XKR9: variants seen among roughly 807,000 people sequenced by gnomAD.
XKR9 encodes XK-related protein 9.
In XKR9, 32 loss-of-function variants were observed where a neutral mutation model predicts 32.0. The observed-to-expected ratio is 1.00, with a 90% CI of 0.76 to 1.34. XKR9 has a LOEUF of 1.34. Ranked by LOEUF, XKR9 falls within the 40% of genes most tolerant of loss-of-function variation. The probability of loss-of-function intolerance (pLI) is 0.00; values close to 1 mark genes in which losing one functional copy is unlikely to be tolerated. For missense variants in XKR9, 546 were observed against 429.7 expected, an observed-to-expected ratio of 1.27 and a Z score of -2.39; for synonymous variants, 168 against 143.4, an observed-to-expected ratio of 1.17 and a Z score of -1.22.
the XKR9 span, among the ~76,000 whole-genome samples, chr8:70,945,691 G>A: frequency 6.6e-6 from 1 of 152,112 alleles, no homozygotes; most frequent in Non-Finnish European, 1.5e-5. Context: ...GTTAGAAGAT[G>A]TCTGTGTAAA....
chr8:70,957,189 A>C, the XKR9 span, among the ~76,000 whole-genome samples: 1 of 152,150 alleles, frequency 6.6e-6, no homozygotes. Context: ...TTTTTTTAGG[A>C]ATCTTGAGGA....
chr8:70,804,284 A>G, the XKR9 span, among the ~76,000 whole-genome samples: 1 of 152,210 alleles, frequency 6.6e-6, no homozygotes, highest in Non-Finnish European at 1.5e-5. Context: ...GGATAACAGG[A>G]GGCTACGCCC....
chr8:70,790,145 T>G (rs1234649427), exon 4 of XKR9: 6 of 151,878 alleles, frequency 4.0e-5, no homozygotes, highest in Non-Finnish European at 7.4e-5. Flanking sequence ...CGGCTGTTTC[T>G]TATAGCAAGA....
the XKR9 span, among the ~76,000 whole-genome samples, chr8:70,912,550 A>G: frequency 3.9e-5 from 6 of 152,138 alleles, no homozygotes; most frequent in East Asian, 1.2e-3. Flanking sequence ...GGAAGAATAG[A>G]TTTGGGGTAA....
chr8:71,004,494 C>T, the XKR9 span, among the ~76,000 whole-genome samples: 1 of 152,184 alleles, frequency 6.6e-6, no homozygotes, highest in South Asian at 2.1e-4. Context: ...GAGGTGCTGC[C>T]TTCAAAAGGC....
chr8:70,879,013 G>T, the XKR9 span, among the ~76,000 whole-genome samples: 16 of 152,174 alleles, frequency 1.1e-4, no homozygotes, highest in Admixed American at 5.9e-4. Context: ...ACTCAAAACC[G>T]CATAACTACA....
the XKR9 span, among the ~76,000 whole-genome samples, chr8:70,840,989 A>G: frequency 6.6e-6 from 1 of 152,218 alleles, no homozygotes; most frequent in South Asian, 2.1e-4. Context: ...TGGGTAGACC[A>G]GTTACTAAAA....
intron 3 of XKR9, among the ~76,000 whole-genome samples, chr8:70,700,250 C>G (rs912136178): frequency 6.6e-6 from 1 of 152,020 alleles, no homozygotes; most frequent in East Asian, 1.9e-4. Context: ...TGGAGGAGGA[C>G]AGGTGCTCTG....
At chr8:71,018,912 G>C in the XKR9 span, among the ~76,000 whole-genome samples, 1 of 152,130 alleles carries the variant, frequency 6.6e-6, no homozygotes, top group Admixed American at 6.5e-5. Context: ...ATGCTCATTT[G>C]AGAATAAAAA....
chr8:71,036,332 T>A, the XKR9 span, among the ~76,000 whole-genome samples: 1 of 152,130 alleles, frequency 6.6e-6, no homozygotes, highest in African/African-American at 2.4e-5. Context: ...AAAATATAGA[T>A]GTGTAGGGGA....
the XKR9 span, among the ~76,000 whole-genome samples, chr8:70,843,976 G>T: frequency 1.3e-5 from 2 of 152,244 alleles, no homozygotes; most frequent in Non-Finnish European, 2.9e-5. Flanking sequence ...GACTGCGGAA[G>T]CATGATGCCA....
At chr8:70,673,669 G>A (rs1818790823) in intron 1 of XKR9, among the ~76,000 whole-genome samples, 1 of 152,050 alleles carries the variant, frequency 6.6e-6, no homozygotes, top group South Asian at 2.1e-4. Flanking sequence ...GGAGGCCGAG[G>A]CAGGAGAATC....
rs1189574954 is a variant in XKR9 at position 70,719,513 on chromosome 8, T to A, written c.493+12360T>A. Reference sequence around the variant, plus strand: ...TTAAGGAAGGGATCAAGTTTCAGTTTTCTGCATAAGGCTAGCCAGTTTCCC... The same window carrying A: ...TTAAGGAAGGGATCAAGTTTCAGTTATCTGCATAAGGCTAGCCAGTTTCCC... On this transcript the variant is annotated intron_variant, in intron 4 of 4. Transcript: ENST00000408926. Among the ~76,000 whole-genome samples the A allele has an allele frequency of 3.3e-5, 5 of 152,212 alleles. No individual in the cohort carries two copies. In the South Asian group the frequency reaches 1.0e-3, roughly 31 times the overall value.
chr8:70,830,851 G>A, the XKR9 span, among the ~76,000 whole-genome samples: 2 of 152,100 alleles, frequency 1.3e-5, no homozygotes, highest in African/African-American at 4.8e-5. Flanking sequence ...AAAAAGTAGG[G>A]CTTTTCTAAG....
At chr8:70,750,119 G>A (rs989267976) in intron 2 of XKR9, among the ~76,000 whole-genome samples, 30 of 151,988 alleles carry the variant, frequency 2.0e-4, no homozygotes, top group African/African-American at 7.0e-4. Flanking sequence ...GGACTATAGA[G>A]CCCCTTTAGT....
chr8:71,018,106 T>C, the XKR9 span, among the ~76,000 whole-genome samples: 1 of 152,214 alleles, frequency 6.6e-6, no homozygotes, highest in Non-Finnish European at 1.5e-5. Context: ...AGTTTTCTTA[T>C]GTCACTTTCT....
intron 4 of XKR9, among the ~76,000 whole-genome samples, chr8:70,716,354 C>T (rs923843381): frequency 1.3e-5 from 2 of 152,034 alleles, no homozygotes; most frequent in African/African-American, 4.8e-5. Context: ...CATTCTCATG[C>T]TGCTATGAAG....
At chr8:70,796,436 T>C in the XKR9 span, among the ~76,000 whole-genome samples, 1 of 152,186 alleles carries the variant, frequency 6.6e-6, no homozygotes, top group Non-Finnish European at 1.5e-5. Flanking sequence ...TCCTTTTTTC[T>C]TCATCATTTT....
At chr8:71,058,519 T>C in the XKR9 span, among the ~76,000 whole-genome samples, 2 of 152,188 alleles carry the variant, frequency 1.3e-5, no homozygotes, top group Non-Finnish European at 2.9e-5. Context: ...TTTTCATCAA[T>C]TGACAGAGAG....
Sources: gnomAD v4.1 joint callset for allele counts (sites outside exome capture counted in the v4.1 genomes callset) on GRCh38, gnomAD v4.1.1 for gene constraint, MANE v1.5 for transcripts, NCBI Gene and HGNC (gene_info 2026-07-23, HGNC 2026-07-21) for gene names.